The following RNF144B variants were observed in gnomAD, a reference collection of about 807,000 sequenced individuals.
RNF144B encodes E3 ubiquitin-protein ligase RNF144B.
In RNF144B, 25 loss-of-function variants were observed where a neutral mutation model predicts 40.2. The observed-to-expected ratio is 0.62, with a 90% CI of 0.45 to 0.87. The LOEUF is 0.87. Among genes scored for constraint, RNF144B ranks in the 40% least tolerant of loss-of-function variants. The pLI is 0.00. For synonymous variants in RNF144B, 145 were observed against 136.3 expected (o/e 1.06, Z -0.44); for missense variants, 365 against 373.7 (o/e 0.98, Z 0.19).
At chr6:18,408,034 G>T (rs996182444) in intron 2 of RNF144B, among the ~76,000 whole-genome samples, 1 of 148,258 alleles carries the variant, frequency 6.7e-6, no homozygotes, top group African/African-American at 2.5e-5. Context: ...GCCCAGGCTG[G>T]AGTACAGTGG....
intron 2 of RNF144B, among the ~76,000 whole-genome samples, chr6:18,401,272 C>T (rs920068242): frequency 2.6e-5 from 4 of 152,152 alleles, no homozygotes; most frequent in African/African-American, 9.7e-5. Flanking sequence ...GTTATTGTTT[C>T]AGTAGATTTT....
chr6:18,441,709 C>G lies in RNF144B; in HGVS notation c.331+1965C>G, dbSNP rs1758968240. 6.6e-6 allele frequency among the ~76,000 whole-genome samples: 1 copy of G among 152,108 alleles called. No homozygotes were observed. Among genetic ancestry groups the G allele is most frequent in the African/African-American group, 2.4e-5 (1 of 41,408 alleles). On this transcript the variant is annotated intron_variant, in intron 4 of 7. Coordinates refer to ENST00000259939, the MANE Select transcript of RNF144B (RefSeq NM_182757.4). The surrounding 1 kb of genome is among the most constrained non-coding windows in gnomAD (Gnocchi z 4.9). The stretch of plus-strand genomic sequence containing the variant: ...CCCTGAGTGCAATTGCAGGCTCCAC[C>G]ACTGGTAAGCTGTGTGACCATGGCA...
At chr6:18,389,354 C>G (rs1314801310) in intron 1 of RNF144B, among the ~76,000 whole-genome samples, 2 of 152,110 alleles carry the variant, frequency 1.3e-5, no homozygotes, top group African/African-American at 4.8e-5. Flanking sequence ...TATGCTCTCT[C>G]TGGAAAGAAA....
intron 3 of RNF144B, among the ~76,000 whole-genome samples, chr6:18,428,743 C>T (rs1342960286): frequency 2.0e-5 from 3 of 152,184 alleles, no homozygotes; most frequent in Admixed American, 2.0e-4. Context: ...ACCTAATCCT[C>T]TCAACAGACC....
chr6:18,396,588 T>C (rs764880341), intron 1 of RNF144B: 10 of 985,360 alleles, frequency 1.0e-5, no homozygotes, highest in Non-Finnish European at 1.2e-5. Flanking sequence ...TTACCCTTTT[T>C]CTCCTACTCA....
intron 2 of RNF144B, among the ~76,000 whole-genome samples, chr6:18,411,003 T>TG (rs397942548): frequency 5.3e-5 from 8 of 151,838 alleles, no homozygotes; most frequent in Non-Finnish European, 1.0e-4. Flanking sequence ...TCTTTTTTTT[T>TG]GAGACGGAGT....
chr6:18,407,426 A>C (rs1265317270), intron 2 of RNF144B, among the ~76,000 whole-genome samples: 1 of 152,198 alleles, frequency 6.6e-6, no homozygotes, highest in Non-Finnish European at 1.5e-5. Context: ...ATTATATAGA[A>C]GATTACAGTA....
At chr6:18,439,979 A>G (rs1450494666) in intron 4 of RNF144B, among the ~76,000 whole-genome samples, 2 of 152,172 alleles carry the variant, frequency 1.3e-5, no homozygotes, top group African/African-American at 4.8e-5. Context: ...TTGTATTTTT[A>G]ATTTGGCTCA....
At chr6:18,403,525 C>G (rs1794834538) in intron 2 of RNF144B, among the ~76,000 whole-genome samples, 1 of 152,116 alleles carries the variant, frequency 6.6e-6, no homozygotes, top group Non-Finnish European at 1.5e-5. Context: ...AGTTAGAACT[C>G]CTTTTACTAT....
chr6:18,449,308 G>A (rs1759155959), intron 4 of RNF144B, among the ~76,000 whole-genome samples: 1 of 152,188 alleles, frequency 6.6e-6, no homozygotes, highest in Non-Finnish European at 1.5e-5. Flanking sequence ...TTTTAAAAAT[G>A]TGCAGCTGTC....
At position 18,411,785 on chromosome 6, in the gene RNF144B, C is replaced by T. The variant is rs559675325; in HGVS notation, c.165+12086C>T. 7.2e-5 allele frequency among the ~76,000 whole-genome samples: 11 copies of T among 152,188 alleles called. No individual in the cohort carries two copies. The East Asian group carries it at 1.4e-3, about 19-fold the overall frequency. On this transcript the variant is annotated intron_variant, in intron 2 of 7. Transcript: ENST00000259939. ...CTGGGATTACAGGCGTGAGCCACCA[C>T]GCCCAGCCCACCTGTACTTTCTTCT...
intron 1 of RNF144B, among the ~76,000 whole-genome samples, chr6:18,397,165 T>G (rs1227574873): frequency 6.6e-6 from 1 of 152,226 alleles, no homozygotes; most frequent in African/African-American, 2.4e-5. Context: ...ATTAAGAAAG[T>G]GGATGTGGAC....
In RNF144B at chr6:18,409,561, C is replaced by CTT. The variant is rs70974741; in HGVS notation, c.165+9880_165+9881dup. 3.8e-4 allele frequency among the ~76,000 whole-genome samples: 35 copies of CTT among 93,268 alleles called. 1 individual carries two copies. Among genetic ancestry groups the CTT allele is most frequent in the South Asian group, 2.1e-3 (5 of 2,336 alleles). The allele number at this position is 93,268 out of a possible 152,430, so 61.2% of individuals were successfully genotyped here. ...TTGGGACAAACTTCACTTGCATAAC[C>CTT]TTTTTTTTTTTTTTTTTTTACTTTT... On this transcript the variant is annotated intron_variant, in intron 2 of 7. Coordinates refer to ENST00000259939, the MANE Select transcript of RNF144B (RefSeq NM_182757.4).
chr6:18,394,687 A>T (rs1794657655), intron 1 of RNF144B, among the ~76,000 whole-genome samples: 1 of 151,864 alleles, frequency 6.6e-6, no homozygotes, highest in East Asian at 1.9e-4. Flanking sequence ...TTTTCAGGCC[A>T]TCAGCAGAAT....
At chr6:18,428,132 G>T (rs1194029088) in intron 3 of RNF144B, among the ~76,000 whole-genome samples, 1 of 152,156 alleles carries the variant, frequency 6.6e-6, no homozygotes, top group East Asian at 1.9e-4. Flanking sequence ...TTTATAAGGG[G>T]CTTCCCTGCC....
chr6:18,417,295 T>C (rs1198770603), intron 2 of RNF144B, among the ~76,000 whole-genome samples: 1 of 152,166 alleles, frequency 6.6e-6, no homozygotes, highest in Non-Finnish European at 1.5e-5. Flanking sequence ...AGAACAGAGT[T>C]GGAGAGCTCT....
chr6:18,462,669 T>TG (rs1265571571), intron 6 of RNF144B, among the ~76,000 whole-genome samples: 3 of 151,918 alleles, frequency 2.0e-5, no homozygotes, highest in Non-Finnish European at 4.4e-5. Flanking sequence ...CAAGTTTTTT[T>TG]TTTTTTCAGT....
chr6:18,431,772 A>T (rs2113504883), intron 3 of RNF144B, among the ~76,000 whole-genome samples: 1 of 152,320 alleles, frequency 6.6e-6, no homozygotes, highest in East Asian at 1.9e-4. Flanking sequence ...TCTTCAAAGG[A>T]TGGCAGGAAT....
Position 18,450,993 on chromosome 6 carries a change from G to A in RNF144B, c.332-6162G>A, listed in dbSNP as rs1759198206. 6.6e-6 allele frequency among the ~76,000 whole-genome samples: 1 copy of A among 151,910 alleles called. No homozygotes were observed. The highest frequency in any genetic ancestry group is 2.1e-4 in the South Asian group (1 of 4,814). On this transcript the variant is annotated intron_variant, in intron 4 of 7. Coordinates refer to ENST00000259939, the MANE Select transcript of RNF144B (RefSeq NM_182757.4). This position sits in a 1 kb window ranked among gnomAD's most constrained non-coding sequence, Gnocchi z 4.7. The stretch of plus-strand genomic sequence containing the variant: ...CCCTGTTTTTAGAGTTGATTAAAGG[G>A]GAAACTACATTTGGATATTTGGATA...
Sources: allele counts gnomAD v4.1 joint callset (sites outside exome capture counted in the v4.1 genomes callset), GRCh38; gene constraint gnomAD v4.1.1; non-coding constraint Gnocchi (gnomAD v3.1); transcripts MANE v1.5; gene names NCBI Gene and HGNC (gene_info 2026-07-23, HGNC 2026-07-21).